Variants in TES observed in about 807,000 individuals in gnomAD.
TES encodes the protein testin LIM domain protein, also known as testin.
A neutral mutation model predicts 48.2 loss-of-function variants in TES; 41 were observed. The ratio of observed to expected loss-of-function variants is 0.85; its 90% confidence interval spans 0.66 to 1.10. The LOEUF (loss-of-function observed/expected upper bound fraction) is 1.10. TES is among the 50% of genes least tolerant of loss of function. The probability of loss-of-function intolerance (pLI) is 0.00; values close to 1 mark genes in which losing one functional copy is unlikely to be tolerated. For synonymous variants in TES, 162 were observed against 174.9 expected (o/e 0.93, Z 0.58); for missense variants, 463 against 515.1 (o/e 0.90, Z 0.98).
chr7:116,217,834 A>G, intron 1 of TES: 3 of 517,182 alleles, frequency 5.8e-6, no homozygotes, highest in East Asian at 5.4e-5. Flanking sequence ...AAGAGCTGCC[A>G]TTTAGCATGG....
At chr7:116,224,363 T>C (rs1489690777) in intron 1 of TES, among the ~76,000 whole-genome samples, 1 of 152,180 alleles carries the variant, frequency 6.6e-6, no homozygotes, top group East Asian at 1.9e-4. Context: ...AGAAATTCAG[T>C]GATTTGAAAA....
At chr7:116,217,088 T>C (rs1055805865) in intron 1 of TES, among the ~76,000 whole-genome samples, 3 of 152,250 alleles carry the variant, frequency 2.0e-5, no homozygotes, top group Middle Eastern at 3.4e-3. Flanking sequence ...GATAGAGCAA[T>C]GTAAATATTG....
chr7:116,234,612 T>G lies in TES; in HGVS notation c.106T>G (p.Phe36Val). 1 of 1,613,700 alleles carries G rather than the reference T, an allele frequency of 6.2e-7. No homozygotes were observed. Among genetic ancestry groups the G allele is most frequent in the Non-Finnish European group, 8.5e-7 (1 of 1,179,674 alleles). The change falls in exon 2 of 7, where the codon TTC becomes GTC. Residue 36 changes from phenylalanine (F) to valine (V), a missense_variant. Physicochemically the swap from Phe to Val is conservative, Grantham distance 50. Transcript: ENST00000358204. ...KEKCEGFELH[F>V]WRKICRNCKC... ...AAAATGTGAAGGATTCGAACTGCACTTCTGGAGGTATTGTTTTGAAAACTG... is the reference window on the plus strand; with the variant it reads ...AAAATGTGAAGGATTCGAACTGCACGTCTGGAGGTATTGTTTTGAAAACTG...
chr7:116,235,129 T>C (rs1799752144), intron 2 of TES, among the ~76,000 whole-genome samples: 1 of 152,214 alleles, frequency 6.6e-6, no homozygotes, highest in Admixed American at 6.5e-5. Context: ...TTTTGTATTC[T>C]TAGTAGAGAT....
In TES at chr7:116,252,307, C is replaced by T. The variant is rs765493592; in HGVS notation, c.919-11C>T. The T allele has an allele frequency of 1.3e-6, 2 of 1,592,636 alleles. No individual in the cohort carries two copies. The highest frequency in any genetic ancestry group is 1.7e-6 in the Non-Finnish European group (2 of 1,165,182). Reference sequence around the variant, plus strand: ...TATAAAAATCCATCTTTATTTTTATCTTCTTCCTAGCTGATATTCAGCAAT... The same window carrying T: ...TATAAAAATCCATCTTTATTTTTATTTTCTTCCTAGCTGATATTCAGCAAT... On this transcript the variant is annotated splice_polypyrimidine_tract_variant and intron_variant, in intron 5 of 6. Transcript: ENST00000358204.
At chr7:116,231,975 G>A (rs1379363660) in intron 1 of TES, among the ~76,000 whole-genome samples, 1 of 152,140 alleles carries the variant, frequency 6.6e-6, no homozygotes, top group Non-Finnish European at 1.5e-5. Context: ...ATAAAAAGTT[G>A]GTAGGAGAAA....
intron 2 of TES, among the ~76,000 whole-genome samples, chr7:116,241,416 G>A (rs990572722): frequency 6.6e-6 from 1 of 152,086 alleles, no homozygotes; most frequent in Non-Finnish European, 1.5e-5. Flanking sequence ...TTTGTAGCTG[G>A]CTCTTCTCCT....
chr7:116,221,334 C>A (rs572891552), intron 1 of TES, among the ~76,000 whole-genome samples: 2 of 152,084 alleles, frequency 1.3e-5, no homozygotes, highest in Non-Finnish European at 2.9e-5. Flanking sequence ...AACACTGCAA[C>A]GTATTGTGGT....
intron 2 of TES, among the ~76,000 whole-genome samples, chr7:116,235,381 T>A (rs1799756018): frequency 6.6e-6 from 1 of 152,258 alleles, no homozygotes; most frequent in South Asian, 2.1e-4. Context: ...GAAGTTGAAT[T>A]TAGATCTCTT....
Position 116,251,792 on chromosome 7 carries a change from A to C in TES, c.735A>C (p.Glu245Asp). 1 of 1,614,188 alleles carries C rather than the reference A, an allele frequency of 6.2e-7. No homozygotes were observed. The highest frequency in any genetic ancestry group is 1.1e-5 in the South Asian group (1 of 91,088). The change falls in exon 5 of 7, where the codon GAA becomes GAC. Residue 245 changes from glutamate (E) to aspartate (D), a missense_variant. Glu to Asp is a conservative substitution (Grantham distance 45). Coordinates refer to ENST00000358204, the MANE Select transcript of TES (RefSeq NM_015641.4). ...SCYCCKLSMK[E>D]GDPAIYAERA... ...ATTGCTGCAAACTGAGTATGAAAGA[A>C]GGTGACCCAGCCATCTATGCCGAAA...
At position 116,249,209 on chromosome 7, in the gene TES, G is replaced by A; in HGVS notation, c.303G>A (p.Lys101=). 6.2e-7 allele frequency: 1 copy of A among 1,614,084 alleles called. No homozygotes were observed. The highest frequency in any genetic ancestry group is 1.1e-5 in the South Asian group (1 of 91,078). ...VMILTNPVAA[K]KNVSINTVTY... Reference sequence around the variant, plus strand: ...TATTGACGAATCCAGTTGCTGCCAAGAAGAATGTCTCCATCAATACAGTTA... The same window carrying A: ...TATTGACGAATCCAGTTGCTGCCAAAAAGAATGTCTCCATCAATACAGTTA... The change falls in exon 3 of 7, where the codon AAG becomes AAA. Residue 101 remains lysine, a synonymous_variant. Coordinates refer to ENST00000358204, the MANE Select transcript of TES (RefSeq NM_015641.4).
chr7:116,242,269 G>A (rs3757730), intron 2 of TES, among the ~76,000 whole-genome samples: 50,811 of 151,998 alleles, frequency 0.33, 8,957 homozygotes, highest in East Asian at 0.57. Flanking sequence ...TGAACCAAAA[G>A]CAGTGTGATA....
Position 116,257,638 on chromosome 7 carries a change from A to G in TES, c.*156A>G, listed in dbSNP as rs1455920435. The G allele has an allele frequency of 6.4e-6, 4 of 624,342 alleles. No individual in the cohort carries two copies. Among genetic ancestry groups the G allele is most frequent in the African/African-American group, 5.7e-5 (3 of 52,294 alleles). The allele number at this position is 624,342 out of a possible 1,614,324, so 38.7% of individuals were successfully genotyped here. ...TTTTTTGGCCATTTTTTCTTCATCA[A>G]TTTTTTTTCGGTCTCAACTTTTAAA... is the stretch of plus-strand genomic sequence containing the variant. On this transcript the variant is annotated 3_prime_UTR_variant, in exon 7 of 7. Transcript: ENST00000358204.
At chr7:116,240,256 G>A (rs1046153364) in intron 2 of TES, among the ~76,000 whole-genome samples, 45 of 152,156 alleles carry the variant, frequency 3.0e-4, no homozygotes, top group African/African-American at 1.1e-3. Context: ...CTGGCAGCAT[G>A]TCAAAGCACT....
chr7:116,245,544 G>A (rs1799910755), intron 2 of TES, among the ~76,000 whole-genome samples: 1 of 152,126 alleles, frequency 6.6e-6, no homozygotes, highest in African/African-American at 2.4e-5. Context: ...ACATCTTCCT[G>A]TCTTCTGAGC....
chr7:116,234,343 GAATAT>G (rs1247866563), intron 1 of TES, among the ~76,000 whole-genome samples, 186 bp from the exon 2 acceptor site: 1 of 152,134 alleles, frequency 6.6e-6, no homozygotes, highest in African/African-American at 2.4e-5. Context: ...AAAGCAATCA[GAATAT>G]AAAATATGTT....
At chr7:116,214,234 T>C (rs994800328) in intron 1 of TES, among the ~76,000 whole-genome samples, 3 of 152,186 alleles carry the variant, frequency 2.0e-5, no homozygotes, top group African/African-American at 7.2e-5. Flanking sequence ...TCCAAACTTG[T>C]TTTCAAAACC....
Position 116,249,018 on chromosome 7 carries a change from A to G in TES, c.114-2A>G, listed in dbSNP as rs138288177. The G allele has an allele frequency of 2.5e-6, 4 of 1,572,382 alleles. No individual in the cohort carries two copies. In the African/African-American group the frequency reaches 4.1e-5, roughly 16 times the overall value. On this transcript the variant is annotated splice_acceptor_variant, in intron 2 of 6. Coordinates refer to ENST00000358204, the MANE Select transcript of TES (RefSeq NM_015641.4). LOFTEE classifies it high-confidence loss of function. ...ATTTTCTACTTATTTTCAAAATTAT[A>G]GAAAAATATGTCGTAACTGCAAGTG...
At chr7:116,249,384 C>G (rs749094689) in intron 3 of TES, 112 bp downstream of exon 3, 1 of 1,267,898 alleles carries the variant, frequency 7.9e-7, no homozygotes, top group Non-Finnish European at 1.1e-6. Flanking sequence ...GTTATTCTTC[C>G]GGGGTTCTCA....
Sources: allele counts gnomAD v4.1 joint callset (sites outside exome capture counted in the v4.1 genomes callset), GRCh38; gene constraint gnomAD v4.1.1; transcripts MANE v1.5; gene names NCBI Gene and HGNC (gene_info 2026-07-23, HGNC 2026-07-21).